The following DENND1A variants were observed in gnomAD, a reference collection of about 807,000 sequenced individuals.
DENND1A encodes DENN domain-containing protein 1A.
In DENND1A, 51 loss-of-function variants were observed where a neutral mutation model predicts 113.7. That is an observed-to-expected ratio of 0.45 (90% CI 0.36 to 0.57). The LOEUF (loss-of-function observed/expected upper bound fraction) is 0.57. Ranked by LOEUF, DENND1A falls within the 20% of genes least tolerant of loss-of-function variation. The pLI is 0.00. For missense variants in DENND1A, 1,258 were observed against 1,395.9 expected (o/e 0.90, Z 1.57); for synonymous variants, 565 against 570.8 (o/e 0.99, Z 0.14).
chr9:123,768,080 G>T (rs970136543), intron 4 of DENND1A, among the ~76,000 whole-genome samples: 10 of 152,088 alleles, frequency 6.6e-5, no homozygotes, highest in African/African-American at 2.4e-4. Flanking sequence ...GGAGGAATAG[G>T]CTAAAGAAGA....
intron 1 of DENND1A, among the ~76,000 whole-genome samples, chr9:123,918,121 AT>A (rs754419058): frequency 3.9e-4 from 59 of 150,190 alleles, no homozygotes; most frequent in African/African-American, 1.1e-3. Context: ...CTCAAAAAAA[AT>A]AAATAAATAA....
chr9:123,836,584 T>C (rs372641697), intron 2 of DENND1A, among the ~76,000 whole-genome samples: 1 of 152,192 alleles, frequency 6.6e-6, no homozygotes, highest in African/African-American at 2.4e-5. Flanking sequence ...AAGTAAAATA[T>C]ATTATAGTTT....
intron 16 of DENND1A, among the ~76,000 whole-genome samples, chr9:123,453,047 A>G (rs1315444277): frequency 6.6e-6 from 1 of 152,138 alleles, no homozygotes; most frequent in Non-Finnish European, 1.5e-5. Context: ...CTCCTAAAAG[A>G]GGCAGTGGAG....
chr9:123,706,587 C>G lies in DENND1A; in HGVS notation c.303-29798G>C, dbSNP rs181622148. 2.6e-5 allele frequency among the ~76,000 whole-genome samples: 4 copies of G among 151,172 alleles called. No individual in the cohort carries two copies. In the South Asian group the frequency reaches 6.3e-4, roughly 24 times the overall value. ...GAAATCGAGACCATCCTGGCTAACA[C>G]AGCGAAACCCGGTCTCTACTAAAAA... is the stretch of plus-strand genomic sequence containing the variant. On this transcript the variant is annotated intron_variant, in intron 5 of 23. Transcript: ENST00000394215.
chr9:123,602,511 T>C (rs557669095), intron 11 of DENND1A, among the ~76,000 whole-genome samples: 1 of 152,236 alleles, frequency 6.6e-6, no homozygotes, highest in Non-Finnish European at 1.5e-5. Context: ...TCGCAGAGAG[T>C]GTCTGAGGAA....
At chr9:123,593,865 G>T (rs1030797943) in intron 11 of DENND1A, among the ~76,000 whole-genome samples, 3 of 152,042 alleles carry the variant, frequency 2.0e-5, no homozygotes, top group Non-Finnish European at 2.9e-5. Context: ...TGACTGGATC[G>T]TGGGGGCTAA....
chr9:123,828,799 A>G (rs921830854), intron 2 of DENND1A, among the ~76,000 whole-genome samples: 6 of 152,294 alleles, frequency 3.9e-5, no homozygotes, highest in Middle Eastern at 3.4e-3. Context: ...CCCAATGAAA[A>G]TATCAAAAAC....
intron 5 of DENND1A, among the ~76,000 whole-genome samples, chr9:123,690,070 G>GAGGGAGGA (rs2065074474): frequency 9.2e-6 from 1 of 109,198 alleles, no homozygotes; most frequent in Non-Finnish European, 1.9e-5. Flanking sequence ...GGGAGGGAGG[G>GAGGGAGGA]AGGGAAGAAG....
intron 13 of DENND1A, among the ~76,000 whole-genome samples, chr9:123,484,763 C>T (rs569878434): frequency 6.6e-6 from 1 of 152,316 alleles, no homozygotes; most frequent in African/African-American, 2.4e-5. Flanking sequence ...CCGTGTCCTG[C>T]AGTGACTTCA....
At chr9:123,808,171 A>G (rs1054897706) in intron 2 of DENND1A, among the ~76,000 whole-genome samples, 2 of 152,112 alleles carry the variant, frequency 1.3e-5, no homozygotes, top group Non-Finnish European at 2.9e-5. Flanking sequence ...GGTTGCAGTG[A>G]GCTGAGATCA....
intron 10 of DENND1A, among the ~76,000 whole-genome samples, chr9:123,623,428 G>A (rs1318591972): frequency 6.6e-6 from 1 of 152,168 alleles, no homozygotes; most frequent in East Asian, 1.9e-4. Context: ...AGATCACAGA[G>A]TTAAAACAGA....
intron 18 of DENND1A, among the ~76,000 whole-genome samples, chr9:123,443,853 G>A (rs1426320441): frequency 6.6e-6 from 1 of 152,194 alleles, no homozygotes. Context: ...CTGCTTGGGA[G>A]GCTGAAATGG....
At chr9:123,538,209 G>C (rs2055938736) in intron 13 of DENND1A, among the ~76,000 whole-genome samples, 2 of 152,314 alleles carry the variant, frequency 1.3e-5, no homozygotes, top group East Asian at 3.9e-4. Context: ...TTGAGAATCA[G>C]AATTTTCATA....
intron 5 of DENND1A, among the ~76,000 whole-genome samples, chr9:123,724,518 T>TA (rs61709188): frequency 1.0e-3 from 143 of 142,846 alleles, no homozygotes; most frequent in South Asian, 1.8e-3. Context: ...AGCATAAAAT[T>TA]AAAAAAAAAA....
intron 22 of DENND1A, among the ~76,000 whole-genome samples, chr9:123,386,969 CT>C (rs1171629824): frequency 6.6e-6 from 1 of 152,224 alleles, no homozygotes; most frequent in African/African-American, 2.4e-5. Context: ...AACGTGCCCC[CT>C]GGAAGGTTGC....
chr9:123,921,634 A>C (rs924040352), intron 1 of DENND1A, among the ~76,000 whole-genome samples: 2 of 152,166 alleles, frequency 1.3e-5, no homozygotes, highest in African/African-American at 2.4e-5. Context: ...AGTCCAGCCC[A>C]CTTCAAGTCT....
intron 11 of DENND1A, among the ~76,000 whole-genome samples, chr9:123,607,234 T>C (rs936463577): frequency 1.3e-5 from 2 of 151,890 alleles, no homozygotes; most frequent in South Asian, 2.1e-4. Flanking sequence ...CCTCATGTTG[T>C]TTATCAAATG....
chr9:123,814,020 T>C (rs1174674469), intron 2 of DENND1A, among the ~76,000 whole-genome samples: 1 of 152,220 alleles, frequency 6.6e-6, no homozygotes, highest in Non-Finnish European at 1.5e-5. Context: ...ATTTTACTGA[T>C]ATAAATCCTG....
At chr9:123,649,372 G>A (rs571906040) in intron 9 of DENND1A, among the ~76,000 whole-genome samples, 1 of 152,248 alleles carries the variant, frequency 6.6e-6, no homozygotes, top group East Asian at 1.9e-4. Context: ...ACATTAATGA[G>A]TGACACTGGC....
Sources: allele counts gnomAD v4.1 joint callset (sites outside exome capture counted in the v4.1 genomes callset), GRCh38; gene constraint gnomAD v4.1.1; transcripts MANE v1.5; gene names NCBI Gene and HGNC (gene_info 2026-07-23, HGNC 2026-07-21).